The following MEX3D variants were observed in gnomAD, a reference collection of about 807,000 sequenced individuals.
MEX3D encodes RNA-binding protein MEX3D.
A neutral mutation model predicts 6.3 loss-of-function variants in MEX3D; 4 were observed. The ratio of observed to expected loss-of-function variants is 0.64; its 90% CI spans 0.31 to 1.46. The LOEUF (loss-of-function observed/expected upper bound fraction) is 1.46, where lower values mean the gene tolerates loss of function less well. Ranked by LOEUF, MEX3D falls within the 40% of genes most tolerant of loss-of-function variation. The pLI, the probability that MEX3D is intolerant of heterozygous loss-of-function variation, is 0.07. For synonymous variants in MEX3D, 626 were observed against 494.1 expected, an observed-to-expected ratio of 1.27 and a Z score of -3.54; for missense variants, 1,038 against 994.4, an observed-to-expected ratio of 1.04 and a Z score of -0.59.
At chr19:1,564,620 A>T (rs1464309131) in intron 1 of MEX3D, among the ~76,000 whole-genome samples, 1 of 151,940 alleles carries the variant, frequency 6.6e-6, no homozygotes, top group Non-Finnish European at 1.5e-5. Flanking sequence ...GAATGACCAC[A>T]GTCTGCCCAG....
In MEX3D at chr19:1,567,692, A is replaced by T. The variant is rs1403257726; in HGVS notation, c.367T>A (p.Ser123Thr). 8 of 1,109,672 alleles carry T rather than the reference A, an allele frequency of 7.2e-6. No individual in the cohort carries two copies. The highest frequency in any genetic ancestry group is 8.9e-5 in the East Asian group (2 of 22,458). The allele number at this position is 1,109,672 out of a possible 1,614,324, so 68.7% of individuals were successfully genotyped here. A position where few individuals can be genotyped will look rare whatever the true frequency, so the allele number is the denominator to read the frequency against. ...GCGTTGGGGTCCAGCAGCGGCAGCG[A>T]CCCGGGGGCCACGGCGGGGGCCAGG... ...PTLAPAVAPG[S>T]LPLLDPNASP... Residue 123 changes from serine to threonine, a missense_variant, in exon 1 of 2, where the codon TCG becomes ACG. Ser to Thr is a moderately conservative substitution (Grantham distance 58). Around this residue, in one of 5 missense-constraint regions of MEX3D, gnomAD observed 265 missense variants for 206.3 expected, o/e 1.28. Coordinates refer to ENST00000402693, the MANE Select transcript of MEX3D (RefSeq NM_203304.4). This position sits in a 1 kb window ranked among gnomAD's most constrained non-coding sequence, Gnocchi z 6.5.
chr19:1,555,520 C>G lies in MEX3D; in HGVS notation c.*43G>C. The G allele has an allele frequency of 1.3e-6, 2 of 1,531,934 alleles. No homozygotes were observed. The highest frequency in any genetic ancestry group is 1.8e-6 in the Non-Finnish European group (2 of 1,139,242). The allele number at this position is 1,531,934 out of a possible 1,614,324, so 94.9% of individuals were successfully genotyped here. On this transcript the variant is annotated 3_prime_UTR_variant, in exon 2 of 2. Coordinates refer to ENST00000402693, the MANE Select transcript of MEX3D (RefSeq NM_203304.4). ...TCCCGCCCCGTCTCCCGCGCCCACC[C>G]CTGGCCCCCGCAGATGGCCCCGGCC...
chr19:1,565,516 T>C (rs1355376564), intron 1 of MEX3D, among the ~76,000 whole-genome samples: 1 of 152,166 alleles, frequency 6.6e-6, no homozygotes, highest in Admixed American at 6.5e-5. Flanking sequence ...CACTCCAGCC[T>C]GGGCGACAGA....
intron 1 of MEX3D, among the ~76,000 whole-genome samples, chr19:1,563,460 G>A (rs1471069718): frequency 1.3e-5 from 2 of 152,192 alleles, no homozygotes; most frequent in African/African-American, 2.4e-5. Context: ...TCTGTGTACA[G>A]GCCCTGGCAA....
At chr19:1,561,801 C>G (rs1321089228) in intron 1 of MEX3D, among the ~76,000 whole-genome samples, 3 of 152,064 alleles carry the variant, frequency 2.0e-5, no homozygotes, top group Non-Finnish European at 4.4e-5. Flanking sequence ...GCACCACCAC[C>G]CCCGGCTAAT....
Position 1,555,984 on chromosome 19 carries a change from C to CG in MEX3D, c.1534dup (p.Arg512ProfsTer195). 2.6e-6 allele frequency: 3 copies of CG among 1,176,184 alleles called. No individual in the cohort carries two copies. The highest frequency in any genetic ancestry group is 1.6e-5 in the African/African-American group (1 of 60,794). The allele number at this position is 1,176,184 out of a possible 1,614,324, so 72.9% of individuals were successfully genotyped here. A position where few individuals can be genotyped will look rare whatever the true frequency, so the allele number is the denominator to read the frequency against. On this transcript the variant is annotated frameshift_variant, in exon 2 of 2. Coordinates refer to ENST00000402693, the MANE Select transcript of MEX3D (RefSeq NM_203304.4). LOFTEE classifies it low-confidence loss of function (END_TRUNC). ...GGGCTCGGGCAGCGTGGGCGAGTGG[C>CG]GGGGGGTCCCGGCCCCACTGCTGCG...
rs1015842880 is a variant in MEX3D, at chr19:1,568,210, G to A, written c.-152C>T. On this transcript the variant is annotated 5_prime_UTR_variant, in exon 1 of 2. Transcript: ENST00000402693. ...GCCGGGCGGGCGGGGCGGCGGCGGC[G>A]CGGGGCTGCTCGGGGCCGGGCCGGG... Among the ~76,000 whole-genome samples the A allele has an allele frequency of 8.5e-4, 120 of 141,380 alleles. 1 individual carries two copies. Among genetic ancestry groups the A allele is most frequent in the Admixed American group, 6.8e-3 (99 of 14,480 alleles). 92.8% of individuals were successfully genotyped at this position (141,380 alleles called of 152,430 possible). A position where few individuals can be genotyped will look rare whatever the true frequency, so the allele number is the denominator to read the frequency against.
chr19:1,557,279 G>C (rs917261561), intron 1 of MEX3D, among the ~76,000 whole-genome samples: 1 of 152,130 alleles, frequency 6.6e-6, no homozygotes, highest in African/African-American at 2.4e-5. Flanking sequence ...TTAATACGTA[G>C]GGTCGGCTGG....
Position 1,556,579 on chromosome 19 carries a change from T to C in MEX3D, c.940A>G (p.Lys314Glu). The C allele has an allele frequency of 6.2e-7, 1 of 1,609,018 alleles. No individual in the cohort carries two copies. The highest frequency in any genetic ancestry group is 8.5e-7 in the Non-Finnish European group (1 of 1,178,580). Residue 314 changes from lysine (K) to glutamate (E), a missense_variant, in exon 2 of 2, where the codon AAG becomes GAG. Lys to Glu is a moderately conservative substitution (Grantham distance 56, BLOSUM62 1). Transcript: ENST00000402693. This position sits in a 1 kb window ranked among gnomAD's most constrained non-coding sequence, Gnocchi z 7.5. Reference protein sequence around the residue: ...HTYIVTPGRDKEPVFAVTGMP... With the variant: ...HTYIVTPGRDEEPVFAVTGMP... ...CCAGTGACCGCGAACACCGGCTCCT[T>C]GTCGCGCCCGGGCGTCACGATGTAG...
At chr19:1,565,324 T>C (rs1276292090) in intron 1 of MEX3D, among the ~76,000 whole-genome samples, 4 of 152,120 alleles carry the variant, frequency 2.6e-5, no homozygotes, top group African/African-American at 9.7e-5. Flanking sequence ...GGCGGATCAC[T>C]TGAGGTCGGG....
intron 1 of MEX3D, among the ~76,000 whole-genome samples, chr19:1,563,897 G>A (rs1382541002): frequency 2.0e-5 from 3 of 151,966 alleles, no homozygotes; most frequent in African/African-American, 4.8e-5. Flanking sequence ...AGCCTCGACC[G>A]CCCAGGCTCA....
At position 1,568,100 on chromosome 19, in the gene MEX3D, CCGCCGCCGCCGCCCG is replaced by C; in HGVS notation, c.-57_-43del. Reference sequence around the variant, plus strand: ...GGGGCCCGCGCTCCTGCCGCCCGCGCCGCCGCCGCCGCCCGCGCCGCCCTCCGCCTCTGCGAGCTG... The same window carrying C: ...GGGGCCCGCGCTCCTGCCGCCCGCGCCGCCGCCCTCCGCCTCTGCGAGCTG... On this transcript the variant is annotated 5_prime_UTR_variant, in exon 1 of 2. Coordinates refer to ENST00000402693, the MANE Select transcript of MEX3D (RefSeq NM_203304.4). The C allele has an allele frequency of 1.0e-6, 1 of 976,344 alleles. No individual in the cohort carries two copies. The highest frequency in any genetic ancestry group is 1.2e-6 in the Non-Finnish European group (1 of 825,846). The allele number at this position is 976,344 out of a possible 1,614,324, so 60.5% of individuals were successfully genotyped here.
Position 1,555,617 on chromosome 19 carries a change from G to A in MEX3D, c.1902C>T (p.Pro634=), listed in dbSNP as rs746137723. The stretch of plus-strand genomic sequence containing the variant: ...CCGGCGTGCGGCAGGCGGGACACTC[G>A]GGCTCGCTCTTGCCGCAGATGCGGA... ...CAVRICGKSE[P]ECPACRTPAT... is the part of the protein sequence containing the mutation. Residue 634 remains proline, a synonymous_variant, in exon 2 of 2, where the codon CCC becomes CCT. Coordinates refer to ENST00000402693, the MANE Select transcript of MEX3D (RefSeq NM_203304.4). The A allele has an allele frequency of 4.4e-5, 70 of 1,591,990 alleles. No individual in the cohort carries two copies. The Middle Eastern group carries it at 5.0e-4, about 11-fold the overall frequency.
chr19:1,558,182 G>C (rs1204895309), intron 1 of MEX3D, among the ~76,000 whole-genome samples: 1 of 151,568 alleles, frequency 6.6e-6, no homozygotes, highest in East Asian at 1.9e-4. Context: ...CAACACAGCA[G>C]GACCCCATCT....
At position 1,567,374 on chromosome 19, in the gene MEX3D, GCGGGCTGGGCTGGGCT is replaced by G. The variant is rs977921167; in HGVS notation, c.595+74_595+89del. The G allele has an allele frequency of 2.2e-6, 3 of 1,348,688 alleles. No individual in the cohort carries two copies. The Admixed American group carries it at 1.1e-4, about 49-fold the overall frequency. The allele number at this position is 1,348,688 out of a possible 1,614,324, so 83.5% of individuals were successfully genotyped here. On this transcript the variant is annotated intron_variant, in intron 1 of 1. Coordinates refer to ENST00000402693, the MANE Select transcript of MEX3D (RefSeq NM_203304.4). The surrounding 1 kb of genome is among the most constrained non-coding windows in gnomAD (Gnocchi z 6.5). ...GCGTGTCCGGTGCGGGGCGTCCGGC[GCGGGCTGGGCTGGGCT>G]CGGGCGACCCCCTTCCCCGGGGCGG...
chr19:1,564,887 A>T (rs1264318262), intron 1 of MEX3D, among the ~76,000 whole-genome samples: 2 of 152,140 alleles, frequency 1.3e-5, no homozygotes, highest in Non-Finnish European at 2.9e-5. Flanking sequence ...AAGGACATTG[A>T]AAGGTATGCT....
intron 1 of MEX3D, among the ~76,000 whole-genome samples, chr19:1,563,382 G>A (rs1156922416): frequency 3.3e-5 from 5 of 152,202 alleles, no homozygotes; most frequent in African/African-American, 1.2e-4. Flanking sequence ...GCCCTGAGCA[G>A]CTTCCAGTCC....
At chr19:1,564,869 G>T (rs965419666) in intron 1 of MEX3D, among the ~76,000 whole-genome samples, 1 of 152,246 alleles carries the variant, frequency 6.6e-6, no homozygotes, top group Non-Finnish European at 1.5e-5. Flanking sequence ...GGGCAGGGCC[G>T]GGGCACAAAG....
Position 1,555,463 on chromosome 19 carries a change from T to A in MEX3D, c.*100A>T. The A allele has an allele frequency of 2.8e-4, 160 of 568,506 alleles. No homozygotes were observed. Among genetic ancestry groups the A allele is most frequent in the East Asian group, 9.8e-4 (10 of 10,174 alleles). The allele number at this position is 568,506 out of a possible 1,614,324, so 35.2% of individuals were successfully genotyped here. A position where few individuals can be genotyped will look rare whatever the true frequency, so the allele number is the denominator to read the frequency against. The stretch of plus-strand genomic sequence containing the variant: ...CCCCTGCCCCCTCGGCCTCCGCCCC[T>A]CGCCCCCTCCCCGTCCCTCTCCCAC... On this transcript the variant is annotated 3_prime_UTR_variant, in exon 2 of 2. Transcript: ENST00000402693.
Sources: gnomAD v4.1 joint callset for allele counts (sites outside exome capture counted in the v4.1 genomes callset) on GRCh38, gnomAD v4.1.1 for gene constraint, gnomAD v4.1.1 regional missense constraint, Gnocchi (gnomAD v3.1) non-coding constraint, MANE v1.5 for transcripts, NCBI Gene and HGNC (gene_info 2026-07-23, HGNC 2026-07-21) for gene names.